The following IQGAP2 variants were observed in gnomAD, a reference collection of about 807,000 sequenced individuals.
IQGAP2 encodes the protein ras GTPase-activating-like protein IQGAP2.
In IQGAP2, 173 loss-of-function variants were observed where a neutral mutation model predicts 201.3. The observed-to-expected ratio is 0.86, with a 90% CI of 0.76 to 0.98. IQGAP2 has a LOEUF of 0.98. IQGAP2 is among the 50% of genes least tolerant of loss of function. IQGAP2 has a pLI of 0.00. For missense variants in IQGAP2, 1,687 were observed against 1,864.8 expected (o/e 0.90, Z 1.76); for synonymous variants, 675 against 673.9 (o/e 1.00, Z -0.03).
chr5:76,636,397 C>A (rs1390255769), intron 15 of IQGAP2, among the ~76,000 whole-genome samples: 2 of 152,158 alleles, frequency 1.3e-5, no homozygotes, highest in Non-Finnish European at 2.9e-5. Flanking sequence ...TTTTCTAACA[C>A]CCCTTCCCCA....
chr5:76,637,423 A>G (rs1338748744), intron 16 of IQGAP2, among the ~76,000 whole-genome samples: 1 of 152,202 alleles, frequency 6.6e-6, no homozygotes, highest in Non-Finnish European at 1.5e-5. Flanking sequence ...TTTATTTGGG[A>G]TGGTAGATTA....
At chr5:76,611,924 G>A (rs539232388) in intron 13 of IQGAP2, among the ~76,000 whole-genome samples, 1 of 152,266 alleles carries the variant, frequency 6.6e-6, no homozygotes, top group Non-Finnish European at 1.5e-5. Context: ...ATGTCTTCAG[G>A]TGCAAACCCA....
intron 7 of IQGAP2, among the ~76,000 whole-genome samples, chr5:76,590,187 A>G (rs911141220): frequency 5.2e-4 from 79 of 152,340 alleles, no homozygotes; most frequent in Non-Finnish European, 2.2e-4. Flanking sequence ...TGATGTATAA[A>G]TGAGTCAGAA....
intron 1 of IQGAP2, among the ~76,000 whole-genome samples, chr5:76,425,823 C>T (rs968820560): frequency 2.0e-5 from 3 of 152,162 alleles, no homozygotes; most frequent in Admixed American, 2.0e-4. Flanking sequence ...AGCCTCTGAG[C>T]TCCATAACAC....
At chr5:76,642,190 A>G (rs1751640160) in intron 17 of IQGAP2, among the ~76,000 whole-genome samples, 1 of 152,122 alleles carries the variant, frequency 6.6e-6, no homozygotes, top group African/African-American at 2.4e-5. Context: ...CACTGATGAG[A>G]CTCTAATTTT....
intron 5 of IQGAP2, among the ~76,000 whole-genome samples, chr5:76,577,296 C>CT (rs1745535267): frequency 6.6e-6 from 1 of 152,100 alleles, no homozygotes. Flanking sequence ...TGTGTATTTG[C>CT]CATGGTTTTA....
chr5:76,673,590 G>A lies in IQGAP2; in HGVS notation c.3209+1G>A, dbSNP rs1251961796. ...TCATTTCTTCCCTTGATCTACTGCC[G>A]TAAGTTGTACTTGCAGCAAGTTTAA... On this transcript the variant is annotated splice_donor_variant, in intron 25 of 35. Transcript: ENST00000274364. LOFTEE classifies it high-confidence loss of function. The A allele has an allele frequency of 1.5e-5, 24 of 1,612,802 alleles. No homozygotes were observed. Among genetic ancestry groups the A allele is most frequent in the Non-Finnish European group, 2.0e-5 (24 of 1,179,512 alleles).
intron 2 of IQGAP2, among the ~76,000 whole-genome samples, chr5:76,464,218 T>A (rs1322195115): frequency 6.6e-6 from 1 of 152,216 alleles, no homozygotes; most frequent in African/African-American, 2.4e-5. Context: ...TGGCTACTAC[T>A]AGACATATAG....
chr5:76,419,795 C>A (rs1477260776), intron 1 of IQGAP2, among the ~76,000 whole-genome samples: 1 of 151,934 alleles, frequency 6.6e-6, no homozygotes, highest in Non-Finnish European at 1.5e-5. Flanking sequence ...ACCATTCCAT[C>A]TACAGACATT....
intron 2 of IQGAP2, among the ~76,000 whole-genome samples, chr5:76,506,690 G>C (rs555810619): frequency 1.6e-4 from 24 of 152,210 alleles, no homozygotes; most frequent in Admixed American, 1.4e-3. Flanking sequence ...ATGTAAAGAT[G>C]AATACATAAG....
chr5:76,456,726 A>T (rs576912923), intron 1 of IQGAP2, among the ~76,000 whole-genome samples: 1 of 152,344 alleles, frequency 6.6e-6, no homozygotes, highest in South Asian at 2.1e-4. Flanking sequence ...TGAATTATCT[A>T]TTCAAGTATA....
chr5:76,578,660 A>G (rs1745630483), intron 5 of IQGAP2, among the ~76,000 whole-genome samples: 1 of 152,104 alleles, frequency 6.6e-6, no homozygotes, highest in Admixed American at 6.6e-5. Flanking sequence ...CATTTTTTCA[A>G]AAGTAATGTA....
chr5:76,554,216 A>G (rs1205812158), intron 2 of IQGAP2, among the ~76,000 whole-genome samples: 1 of 152,220 alleles, frequency 6.6e-6, no homozygotes, highest in Non-Finnish European at 1.5e-5. Context: ...AAAATGGATC[A>G]AAGACCTAAA....
chr5:76,500,788 G>T (rs749012774), intron 2 of IQGAP2, among the ~76,000 whole-genome samples: 7 of 152,088 alleles, frequency 4.6e-5, no homozygotes, highest in Non-Finnish European at 8.8e-5. Context: ...TAGAGCTCAA[G>T]GTAATTACAG....
At chr5:76,609,005 T>G in intron 12 of IQGAP2, 1 of 1,276,494 alleles carries the variant, frequency 7.8e-7, no homozygotes. Context: ...GGATTTCCCT[T>G]TTATTTATAA....
At chr5:76,693,666 A>G (rs1746476326) in intron 31 of IQGAP2, among the ~76,000 whole-genome samples, 1 of 152,198 alleles carries the variant, frequency 6.6e-6, no homozygotes, top group African/African-American at 2.4e-5. Flanking sequence ...TGCCGAATAT[A>G]CTTTTGTCTT....
At chr5:76,413,171 T>C (rs1442125952) in intron 1 of IQGAP2, among the ~76,000 whole-genome samples, 18 of 127,648 alleles carry the variant, frequency 1.4e-4, no homozygotes, top group East Asian at 2.2e-4. Context: ...TTTTTTTTTT[T>C]TTTTTTTTTT....
At chr5:76,435,287 A>G (rs1243217383) in intron 1 of IQGAP2, among the ~76,000 whole-genome samples, 1 of 152,026 alleles carries the variant, frequency 6.6e-6, no homozygotes, top group African/African-American at 2.4e-5. Flanking sequence ...CCAATGTTCA[A>G]AAGAGTTTTT....
chr5:76,406,749 C>T (rs754436570), intron 1 of IQGAP2, among the ~76,000 whole-genome samples: 21 of 152,184 alleles, frequency 1.4e-4, no homozygotes, highest in Non-Finnish European at 2.6e-4. Flanking sequence ...CTTCACTTAC[C>T]ACTGATAACC....
Sources: gnomAD v4.1 joint callset for allele counts (sites outside exome capture counted in the v4.1 genomes callset) on GRCh38, gnomAD v4.1.1 for gene constraint, MANE v1.5 for transcripts, NCBI Gene and HGNC (gene_info 2026-07-23, HGNC 2026-07-21) for gene names.